CD37: variants seen among roughly 807,000 people sequenced by gnomAD.
CD37 encodes the protein CD37 molecule.
CD37 carries 37 observed loss-of-function variants against 38.9 expected under a neutral mutation model. The observed-to-expected ratio is 0.95, with a 90% confidence interval of 0.73 to 1.25. The LOEUF (loss-of-function observed/expected upper bound fraction) is 1.25, where lower values mean the gene tolerates loss of function less well. Ranked by LOEUF, CD37 falls within the 50% of genes most tolerant of loss-of-function variation. The pLI is 0.00. For missense variants in CD37, 351 were observed against 360.1 expected, an observed-to-expected ratio of 0.97 and a Z score of 0.20; for synonymous variants, 146 against 150.1, an observed-to-expected ratio of 0.97 and a Z score of 0.20.
intron 7 of CD37, 86 bp from the exon 8 acceptor site, chr19:49,340,165 C>A: frequency 6.6e-7 from 1 of 1,523,328 alleles, no homozygotes; most frequent in Non-Finnish European, 9.0e-7. Flanking sequence ...ACGGCCCCAC[C>A]CCTGACCTTT....
chr19:49,335,762 A>G lies in CD37; in HGVS notation c.118A>G (p.Lys40Glu), dbSNP rs1455660783. 7 of 1,613,628 alleles carry G rather than the reference A, an allele frequency of 4.3e-6. No homozygotes were observed. The highest frequency in any genetic ancestry group is 5.1e-6 in the Non-Finnish European group (6 of 1,179,944). Reference protein sequence around the residue: ...FCFGIWILIDKTSFVSFVGLA... With the variant: ...FCFGIWILIDETSFVSFVGLA... ...CTTCGGCATCTGGATCCTCATTGAC[A>G]AGACCAGCTTCGTGTCCTTTGTGGG... Residue 40 changes from lysine to glutamate, a missense_variant, in exon 2 of 8, where the codon AAG (lysine) becomes GAG (glutamate). Physicochemically the swap from Lys to Glu is moderately conservative, Grantham distance 56 (BLOSUM62 1). Coordinates refer to ENST00000323906, the MANE Select transcript of CD37 (RefSeq NM_001774.3). The surrounding 1 kb of genome is among the most constrained non-coding windows in gnomAD (Gnocchi z 4.6).
Position 49,338,740 on chromosome 19 carries a change from A to T in CD37, c.488A>T (p.Gln163Leu), listed in dbSNP as rs760014549. ...CGWHYPQDWF[Q>L]VLILRGNGSE... ...TGGCACTACCCGCAGGACTGGTTCCAAGTCCTCATCCTGAGAGGTAACGGG... is the reference window on the plus strand; with the variant it reads ...TGGCACTACCCGCAGGACTGGTTCCTAGTCCTCATCCTGAGAGGTAACGGG... The change falls in exon 6 of 8, where the codon CAA (glutamine) becomes CTA (leucine). Residue 163 changes from glutamine to leucine, a missense_variant. Transcript: ENST00000323906. The surrounding 1 kb of genome is among the most constrained non-coding windows in gnomAD (Gnocchi z 5.0). 1.2e-6 allele frequency: 2 copies of T among 1,613,048 alleles called. No homozygotes were observed. Among genetic ancestry groups the T allele is most frequent in the South Asian group, 2.2e-5 (2 of 91,080 alleles).
chr19:49,335,706 CT>C lies in CD37; in HGVS notation c.70-7del. The C allele has an allele frequency of 6.2e-7, 1 of 1,613,986 alleles. No individual in the cohort carries two copies. The highest frequency in any genetic ancestry group is 8.5e-7 in the Non-Finnish European group (1 of 1,179,930). The stretch of plus-strand genomic sequence containing the variant: ...GCCCACCCCCGTATCCGCATCTCCT[CT>C]CCCCAGGTCCTCGGCAGCCTGATCT... On this transcript the variant is annotated splice_polypyrimidine_tract_variant and splice_region_variant and intron_variant, in intron 1 of 7. Transcript: ENST00000323906. The surrounding 1 kb of genome is among the most constrained non-coding windows in gnomAD (Gnocchi z 4.6).
At position 49,337,900 on chromosome 19, in the gene CD37, C is replaced by A. The variant is rs757795293; in HGVS notation, c.343-25C>A. 11 of 1,613,332 alleles carry A rather than the reference C, an allele frequency of 6.8e-6. No individual in the cohort carries two copies. In the South Asian group the frequency reaches 1.1e-4, roughly 16 times the overall value. On this transcript the variant is annotated intron_variant, in intron 4 of 7. Coordinates refer to ENST00000323906, the MANE Select transcript of CD37 (RefSeq NM_001774.3). Reference sequence around the variant, plus strand: ...GAGGGGTGGGGCGGGGAAGATAAGGCCCAGCCTCACTGGTGGCCTCTCAGC... The same window carrying A: ...GAGGGGTGGGGCGGGGAAGATAAGGACCAGCCTCACTGGTGGCCTCTCAGC...
Position 49,335,868 on chromosome 19 carries a change from C to T in CD37, c.142+82C>T, listed in dbSNP as rs753482214. On this transcript the variant is annotated intron_variant, in intron 2 of 7. Transcript: ENST00000323906. This position sits in a 1 kb window ranked among gnomAD's most constrained non-coding sequence, Gnocchi z 4.6. ...GTCTCCCTTGTCTCAGGGAGACCTA[C>T]GGTGCCCTACTCTGCAGGCAGGCTA... 2.0e-5 allele frequency: 23 copies of T among 1,132,738 alleles called. No homozygotes were observed. The highest frequency in any genetic ancestry group is 7.6e-5 in the African/African-American group (5 of 65,414). 70.2% of individuals were successfully genotyped at this position (1,132,738 alleles called of 1,614,324 possible). A position where few individuals can be genotyped will look rare whatever the true frequency, so the allele number is the denominator to read the frequency against.
Position 49,338,745 on chromosome 19 carries a change from C to T in CD37, c.493C>T (p.Leu165Phe). 1 of 1,613,378 alleles carries T rather than the reference C, an allele frequency of 6.2e-7. No homozygotes were observed. The highest frequency in any genetic ancestry group is 2.2e-5 in the East Asian group (1 of 44,880). Residue 165 changes from leucine (L) to phenylalanine (F), a missense_variant, in exon 6 of 8, where the codon CTC (leucine) becomes TTC (phenylalanine). Transcript: ENST00000323906. This position sits in a 1 kb window ranked among gnomAD's most constrained non-coding sequence, Gnocchi z 5.0. ...WHYPQDWFQV[L>F]ILRGNGSEAH... ...CTACCCGCAGGACTGGTTCCAAGTC[C>T]TCATCCTGAGAGGTAACGGGTCGGA...
At chr19:49,336,109 C>T (rs546741342) in intron 2 of CD37, 7 of 390,486 alleles carry the variant, frequency 1.8e-5, no homozygotes, top group Non-Finnish European at 2.8e-5. Flanking sequence ...ACAGCAAGGA[C>T]GTAAAAGAGC....
In CD37 at chr19:49,335,495, C is replaced by T. The variant is rs767670119; in HGVS notation, c.-46C>T. The T allele has an allele frequency of 7.4e-7, 1 of 1,356,914 alleles. No homozygotes were observed. Among genetic ancestry groups the T allele is most frequent in the South Asian group, 1.2e-5 (1 of 85,816 alleles). 84.1% of individuals were successfully genotyped at this position (1,356,914 alleles called of 1,614,324 possible). A position where few individuals can be genotyped will look rare whatever the true frequency, so the allele number is the denominator to read the frequency against. On this transcript the variant is annotated 5_prime_UTR_variant, in exon 1 of 8. Transcript: ENST00000323906. The surrounding 1 kb of genome is among the most constrained non-coding windows in gnomAD (Gnocchi z 4.6). ...TTCTCCCTGTCTCCCCCACTGTCAG[C>T]ACCTCTTCTGTGTGGTGAGTGGACC...
At position 49,338,958 on chromosome 19, in the gene CD37, A is replaced by ATGCTCG. The variant is rs745410601; in HGVS notation, c.684+22_684+23insTGCTCG. 6.3e-7 allele frequency: 1 copy of ATGCTCG among 1,585,332 alleles called. No homozygotes were observed. The highest frequency in any genetic ancestry group is 1.1e-5 in the South Asian group (1 of 90,504). ...CGAGGTGGGCAGGGGTTCGGAGCAT[A>ATGCTCG]AACCTGTCGAATGGGGCGGGGCCTG... On this transcript the variant is annotated intron_variant, in intron 6 of 7. Coordinates refer to ENST00000323906, the MANE Select transcript of CD37 (RefSeq NM_001774.3). The surrounding 1 kb of genome is among the most constrained non-coding windows in gnomAD (Gnocchi z 5.0).
intron 4 of CD37, 111 bp downstream of exon 4, chr19:49,337,332 A>G: frequency 9.6e-7 from 1 of 1,041,380 alleles, no homozygotes; most frequent in East Asian, 2.4e-5. Context: ...GCTAACCTAG[A>G]TAAAGAGAAA....
At chr19:49,337,887 G>A (rs754436689) in intron 4 of CD37, 38 bp from the exon 5 acceptor site, 12 of 1,612,268 alleles carry the variant, frequency 7.4e-6, no homozygotes, top group South Asian at 1.1e-5. Context: ...GGGGTGGGGC[G>A]GGGAAGATAA....
In CD37 at chr19:49,339,250, GGGTT is replaced by G; in HGVS notation, c.685-77_685-74del. The G allele has an allele frequency of 7.8e-7, 1 of 1,283,466 alleles. No homozygotes were observed. Among genetic ancestry groups the G allele is most frequent in the Admixed American group, 1.8e-5 (1 of 56,918 alleles). The allele number at this position is 1,283,466 out of a possible 1,614,324, so 79.5% of individuals were successfully genotyped here. On this transcript the variant is annotated intron_variant, in intron 6 of 7. Transcript: ENST00000323906. This position sits in a 1 kb window ranked among gnomAD's most constrained non-coding sequence, Gnocchi z 4.5. Reference sequence around the variant, plus strand: ...GCGGGTAGATGCCTGAAGACGGTGAGGGTTGGCCTGAAAAGAACGCTGGGCCTGG... The same window carrying G: ...GCGGGTAGATGCCTGAAGACGGTGAGGGCCTGAAAAGAACGCTGGGCCTGG...
chr19:49,337,508 G>A, intron 4 of CD37: 1 of 693,060 alleles, frequency 1.4e-6, no homozygotes, highest in Admixed American at 3.1e-5. Context: ...TGGGGTCCCA[G>A]CTACTTGGGA....
In CD37 at chr19:49,339,910, C is replaced by T; in HGVS notation, c.769-341C>T. 7.4e-7 allele frequency: 1 copy of T among 1,356,620 alleles called. No homozygotes were observed. Among genetic ancestry groups the T allele is most frequent in the Non-Finnish European group, 9.5e-7 (1 of 1,050,078 alleles). 84.0% of individuals were successfully genotyped at this position (1,356,620 alleles called of 1,614,324 possible). On this transcript the variant is annotated intron_variant, in intron 7 of 7. Coordinates refer to ENST00000323906, the MANE Select transcript of CD37 (RefSeq NM_001774.3). The surrounding 1 kb of genome is among the most constrained non-coding windows in gnomAD (Gnocchi z 4.5). ...GCCGCTGTGGGTTCAAGACGAGGAC[C>T]AGCCTGACACTGGAAGTGCGGGCGC... is the stretch of plus-strand genomic sequence containing the variant.
chr19:49,339,986 G>A lies in CD37; in HGVS notation c.769-265G>A, dbSNP rs1018060596. On this transcript the variant is annotated intron_variant, in intron 7 of 7. Transcript: ENST00000323906. The surrounding 1 kb of genome is among the most constrained non-coding windows in gnomAD (Gnocchi z 4.5). ...GCTGAGGCAGAGGGGGAAGACAGAT[G>A]AGCCTCCAAAATAAAGGACCCTGGG... 2 of 1,434,040 alleles carry A rather than the reference G, an allele frequency of 1.4e-6. No homozygotes were observed. Among genetic ancestry groups the A allele is most frequent in the Non-Finnish European group, 1.8e-6 (2 of 1,096,774 alleles). The allele number at this position is 1,434,040 out of a possible 1,614,324, so 88.8% of individuals were successfully genotyped here. A position where few individuals can be genotyped will look rare whatever the true frequency, so the allele number is the denominator to read the frequency against.
chr19:49,337,935 G>C lies in CD37; in HGVS notation c.353G>C (p.Ser118Thr). The C allele has an allele frequency of 6.2e-7, 1 of 1,614,112 alleles. No individual in the cohort carries two copies. Among genetic ancestry groups the C allele is most frequent in the South Asian group, 1.1e-5 (1 of 91,084 alleles). Residue 118 changes from serine to threonine, a missense_variant, in exon 5 of 8, where the codon AGC (serine) becomes ACC (threonine). Transcript: ENST00000323906. ...CTGGTGGCCTCTCAGCTGGAGCGAA[G>C]CTTGCGGGACGTCGTAGAGAAAACC... is the stretch of plus-strand genomic sequence containing the variant. ...ISTQRAQLERSLRDVVEKTIQ... is the reference protein window; with the variant it reads ...ISTQRAQLERTLRDVVEKTIQ...
chr19:49,340,170 AC>A, intron 7 of CD37, 80 bp from the exon 8 acceptor site: 1 of 1,495,412 alleles, frequency 6.7e-7, no homozygotes, highest in Non-Finnish European at 9.2e-7. Flanking sequence ...CCCACCCCTG[AC>A]CTTTCTCGCC....
intron 2 of CD37, 56 bp from the exon 3 acceptor site, chr19:49,336,853 G>A: frequency 1.3e-6 from 2 of 1,593,702 alleles, no homozygotes; most frequent in Non-Finnish European, 1.7e-6. Flanking sequence ...GGTGGGAAAT[G>A]GGGCTGCCTG....
At chr19:49,340,045 C>T (rs1971156660) in intron 7 of CD37, 2 of 1,497,978 alleles carry the variant, frequency 1.3e-6, no homozygotes, top group East Asian at 4.9e-5. Flanking sequence ...TCAGCCTCTA[C>T]CCCCACTTGT....
Sources: gnomAD v4.1 joint callset for allele counts on GRCh38, gnomAD v4.1.1 for gene constraint, Gnocchi (gnomAD v3.1) non-coding constraint, MANE v1.5 for transcripts, NCBI Gene and HGNC (gene_info 2026-07-23, HGNC 2026-07-21) for gene names.